ARL15: variants seen among roughly 807,000 people sequenced by gnomAD.
The protein encoded by ARL15 is ARF like GTPase 15.
ARL15 carries 19 observed loss-of-function variants against 25.2 expected under a neutral mutation model. The ratio of observed to expected loss-of-function variants is 0.75; its 90% CI spans 0.53 to 1.10. The LOEUF (loss-of-function observed/expected upper bound fraction) is 1.10, where lower values mean the gene tolerates loss of function less well. Ranked by LOEUF, ARL15 falls within the 50% of genes least tolerant of loss-of-function variation. The probability of loss-of-function intolerance (pLI) is 0.00; values close to 1 mark genes in which losing one functional copy is unlikely to be tolerated. For missense variants in ARL15, 220 were observed against 246.0 expected, an observed-to-expected ratio of 0.89 and a Z score of 0.71; for synonymous variants, 94 against 86.8, an observed-to-expected ratio of 1.08 and a Z score of -0.46.
chr5:53,952,727 G>T (rs957515532), intron 4 of ARL15, among the ~76,000 whole-genome samples: 1 of 152,060 alleles, frequency 6.6e-6, no homozygotes, highest in South Asian at 2.1e-4. Context: ...CTCTGTTATT[G>T]TGCCAATGAC....
chr5:54,147,467 T>G (rs576402470), intron 3 of ARL15, among the ~76,000 whole-genome samples: 1 of 152,186 alleles, frequency 6.6e-6, no homozygotes, highest in South Asian at 2.1e-4. Context: ...TTGCAGAGAG[T>G]GGCAGAGGAT....
chr5:54,090,461 G>A (rs1209105917), intron 4 of ARL15, among the ~76,000 whole-genome samples: 1 of 151,756 alleles, frequency 6.6e-6, no homozygotes, highest in Non-Finnish European at 1.5e-5. Context: ...AAAATTCAAG[G>A]CAGTGGTTAC....
intron 3 of ARL15, among the ~76,000 whole-genome samples, chr5:54,125,986 G>C (rs1324336108): frequency 6.6e-6 from 1 of 151,908 alleles, no homozygotes; most frequent in Non-Finnish European, 1.5e-5. Context: ...TTGCTATGAG[G>C]GTTTGCCGGG....
intron 3 of ARL15, among the ~76,000 whole-genome samples, chr5:54,136,288 C>A (rs944103764): frequency 6.6e-6 from 1 of 152,078 alleles, no homozygotes; most frequent in East Asian, 1.9e-4. Flanking sequence ...CCTTCAATAG[C>A]CAGCTACATC....
At chr5:54,296,662 G>T (rs1758472768) in intron 1 of ARL15, among the ~76,000 whole-genome samples, 1 of 152,220 alleles carries the variant, frequency 6.6e-6, no homozygotes, top group South Asian at 2.1e-4. Flanking sequence ...AGCACATTAG[G>T]CACCTCTGTG....
At chr5:54,114,563 A>G (rs1355692732) in intron 3 of ARL15, among the ~76,000 whole-genome samples, 1 of 152,172 alleles carries the variant, frequency 6.6e-6, no homozygotes, top group African/African-American at 2.4e-5. Context: ...GTAAAATTAT[A>G]TACTAATTAA....
chr5:53,977,334 A>T (rs980481833), intron 4 of ARL15, among the ~76,000 whole-genome samples: 1 of 150,194 alleles, frequency 6.7e-6, no homozygotes, highest in African/African-American at 2.5e-5. Context: ...CAGCCTGAGC[A>T]ACAGAGTGAG....
chr5:53,889,256 G>C (rs1463700020), intron 4 of ARL15, among the ~76,000 whole-genome samples: 3 of 151,940 alleles, frequency 2.0e-5, no homozygotes, highest in Admixed American at 6.6e-5. Flanking sequence ...AACAATATTG[G>C]ATTAAAATAA....
chr5:53,904,738 C>CTTTT (rs35684823), intron 4 of ARL15, among the ~76,000 whole-genome samples: 14 of 126,186 alleles, frequency 1.1e-4, no homozygotes, highest in African/African-American at 2.7e-4. Flanking sequence ...TTTTTAGTTC[C>CTTTT]TTTTTTTTTT....
At chr5:54,295,611 T>C (rs2112699429) in intron 1 of ARL15, among the ~76,000 whole-genome samples, 1 of 152,130 alleles carries the variant, frequency 6.6e-6, no homozygotes, top group African/African-American at 2.4e-5. Context: ...TATGTTACAC[T>C]GAAAAAAACA....
At chr5:54,115,965 G>A (rs1398067075) in intron 3 of ARL15, among the ~76,000 whole-genome samples, 1 of 152,124 alleles carries the variant, frequency 6.6e-6, no homozygotes, top group East Asian at 1.9e-4. Flanking sequence ...AGTGCTGTCA[G>A]GAGAAACTAG....
intron 4 of ARL15, among the ~76,000 whole-genome samples, chr5:54,041,627 T>A (rs1750344101): frequency 6.6e-6 from 1 of 152,234 alleles, no homozygotes; most frequent in Admixed American, 6.5e-5. Context: ...TAAAGAGTAG[T>A]ACTTCCAAAT....
intron 4 of ARL15, among the ~76,000 whole-genome samples, chr5:54,076,477 T>C (rs890996098): frequency 1.3e-5 from 2 of 151,126 alleles, no homozygotes; most frequent in Non-Finnish European, 3.0e-5. Flanking sequence ...ATAGCAGTAA[T>C]TTGATGAAAA....
intron 4 of ARL15, among the ~76,000 whole-genome samples, chr5:53,893,441 C>T (rs1355594307): frequency 1.3e-5 from 2 of 152,080 alleles, no homozygotes; most frequent in South Asian, 2.1e-4. Context: ...CCCGTCTCTA[C>T]TAAAAGATAC....
At chr5:54,070,115 G>A (rs138037724) in intron 4 of ARL15, among the ~76,000 whole-genome samples, 354 of 151,590 alleles carry the variant, frequency 2.3e-3, no homozygotes, top group African/African-American at 8.1e-3. Context: ...TTTGGGCCAG[G>A]TGCGGTGGCT....
intron 1 of ARL15, among the ~76,000 whole-genome samples, chr5:54,303,680 A>G (rs1038313429): frequency 1.9e-4 from 28 of 146,898 alleles, no homozygotes; most frequent in Non-Finnish European, 2.1e-4. Context: ...AAGAAGAAGA[A>G]GAGGAGAGGA....
chr5:54,037,147 C>T (rs1383831937), intron 4 of ARL15, among the ~76,000 whole-genome samples: 2 of 151,742 alleles, frequency 1.3e-5, no homozygotes, highest in South Asian at 2.1e-4. Flanking sequence ...TTTTTTAAAT[C>T]CCCACAATAT....
At chr5:53,939,301 TATA>T (rs1228802032) in intron 4 of ARL15, among the ~76,000 whole-genome samples, 2 of 152,262 alleles carry the variant, frequency 1.3e-5, no homozygotes, top group Non-Finnish European at 2.9e-5. Flanking sequence ...CCCCTAGTCT[TATA>T]TTTCATGCTA....
At chr5:54,258,342 C>T (rs1757417911) in intron 1 of ARL15, among the ~76,000 whole-genome samples, 1 of 151,926 alleles carries the variant, frequency 6.6e-6, no homozygotes, top group Admixed American at 6.6e-5. Context: ...AGAAATCAAC[C>T]CATCCTCCCG....
Sources: gnomAD v4.1 joint callset for allele counts (sites outside exome capture counted in the v4.1 genomes callset) on GRCh38, gnomAD v4.1.1 for gene constraint, MANE v1.5 for transcripts, NCBI Gene and HGNC (gene_info 2026-07-23, HGNC 2026-07-21) for gene names.